ZNF385D: variants seen among roughly 807,000 people sequenced by gnomAD.
ZNF385D encodes the protein zinc finger protein 385D, also known as zinc finger protein 659.
ZNF385D carries 15 observed loss-of-function variants against 35.8 expected under a neutral mutation model. That is an observed-to-expected ratio of 0.42 (90% confidence interval 0.28 to 0.64). The LOEUF is 0.64. Among genes scored for constraint, ZNF385D ranks in the 30% least tolerant of loss-of-function variants. The pLI, the probability that ZNF385D is intolerant of heterozygous loss-of-function variation, is 0.23. For missense variants in ZNF385D, 474 were observed against 494.6 expected, an observed-to-expected ratio of 0.96 and a Z score of 0.39; for synonymous variants, 212 against 186.8, an observed-to-expected ratio of 1.13 and a Z score of -1.10.
At position 22,061,562 on chromosome 3, in the gene ZNF385D, C is replaced by G. The variant is rs1699687710; in HGVS notation, c.325+107255G>C. Among the ~76,000 whole-genome samples the G allele has an allele frequency of 1.3e-5, 2 of 152,152 alleles. 1 individual carries two copies. Among genetic ancestry groups the G allele is most frequent in the Non-Finnish European group, 2.9e-5 (2 of 68,032 alleles). On this transcript the variant is annotated intron_variant, in intron 3 of 5. Transcript: ENST00000494108. ...ACAATAACTCCAAAGTCTTCAATTC[C>G]TATGGTCTCCAAGACTCAGGATCTG...
chr3:22,273,152 G>T (rs1206407619), intron 2 of ZNF385D, among the ~76,000 whole-genome samples: 2 of 151,876 alleles, frequency 1.3e-5, no homozygotes, highest in African/African-American at 4.8e-5. Flanking sequence ...TGGACTAAAG[G>T]TAAACAAGAA....
chr3:22,328,757 T>A (rs370944043), intron 2 of ZNF385D, among the ~76,000 whole-genome samples: 1 of 148,034 alleles, frequency 6.8e-6, no homozygotes. Flanking sequence ...CAAGACTCCA[T>A]CGCCAAAAAA....
chr3:22,213,075 G>C (rs62246465), intron 2 of ZNF385D, among the ~76,000 whole-genome samples: 9,283 of 152,032 alleles, frequency 0.061, 364 homozygotes, highest in East Asian at 0.12. Context: ...GTCACATTCA[G>C]TTTATAAATT....
At chr3:21,709,501 A>AAAACT in intron 1 of ZNF385D, among the ~76,000 whole-genome samples, 1 of 151,924 alleles carries the variant, frequency 6.6e-6, no homozygotes, top group East Asian at 1.9e-4. Flanking sequence ...AAAACAAAAC[A>AAAACT]AAACAAAACA....
intron 3 of ZNF385D, among the ~76,000 whole-genome samples, chr3:21,757,209 A>C (rs2070384384): frequency 7.1e-6 from 1 of 141,272 alleles, no homozygotes; most frequent in African/African-American, 2.6e-5. Flanking sequence ...TCAGCTCACC[A>C]CAACCTCTGC....
At chr3:22,081,971 T>C (rs537487176) in intron 3 of ZNF385D, among the ~76,000 whole-genome samples, 5 of 149,298 alleles carry the variant, frequency 3.3e-5, no homozygotes, top group South Asian at 2.1e-4. Context: ...CAGTTACTTA[T>C]TTTGTGGTTG....
chr3:21,430,101 T>C (rs1701225238), intron 5 of ZNF385D, among the ~76,000 whole-genome samples: 1 of 152,066 alleles, frequency 6.6e-6, no homozygotes, highest in Admixed American at 6.6e-5. Flanking sequence ...TTTTATTATG[T>C]TGACCTCCTA....
At chr3:21,960,722 T>A (rs954195017) in intron 3 of ZNF385D, among the ~76,000 whole-genome samples, 1 of 152,042 alleles carries the variant, frequency 6.6e-6, no homozygotes, top group Non-Finnish European at 1.5e-5. Flanking sequence ...AAAGAAAATA[T>A]GATATATATA....
At chr3:21,867,999 A>C (rs987765164) in intron 3 of ZNF385D, among the ~76,000 whole-genome samples, 1 of 152,188 alleles carries the variant, frequency 6.6e-6, no homozygotes, top group Non-Finnish European at 1.5e-5. Context: ...AACTGAACCT[A>C]GCACAAAACT....
intron 2 of ZNF385D, among the ~76,000 whole-genome samples, chr3:22,367,882 A>G (rs560016227): frequency 6.6e-6 from 1 of 152,302 alleles, no homozygotes; most frequent in Non-Finnish European, 1.5e-5. Context: ...AAAATCCTCA[A>G]ATGTAACTTC....
intron 3 of ZNF385D, among the ~76,000 whole-genome samples, chr3:21,527,231 A>AATC (rs762593326): frequency 1.6e-4 from 25 of 152,306 alleles, no homozygotes; most frequent in Non-Finnish European, 2.5e-4. Context: ...AAAAAAAATG[A>AATC]ATCACACTGT....
At chr3:21,565,447 T>G (rs1214860585) in intron 2 of ZNF385D, among the ~76,000 whole-genome samples, 1 of 152,160 alleles carries the variant, frequency 6.6e-6, no homozygotes, top group Non-Finnish European at 1.5e-5. Context: ...GGTGAGATCA[T>G]AGCTCACTGT....
intron 3 of ZNF385D, among the ~76,000 whole-genome samples, chr3:21,946,084 C>A (rs963179064): frequency 7.2e-5 from 11 of 152,098 alleles, no homozygotes; most frequent in Non-Finnish European, 1.5e-5. Flanking sequence ...GATCAATTCA[C>A]CAAATGTATT....
chr3:21,953,165 G>A (rs542817624), intron 3 of ZNF385D, among the ~76,000 whole-genome samples: 76 of 151,580 alleles, frequency 5.0e-4, no homozygotes, highest in Non-Finnish European at 1.1e-3. Context: ...TCCTGTCTCT[G>A]TTTAATTAAA....
chr3:22,280,785 T>G (rs533293165), intron 2 of ZNF385D, among the ~76,000 whole-genome samples: 1 of 152,278 alleles, frequency 6.6e-6, no homozygotes, highest in South Asian at 2.1e-4. Flanking sequence ...ATGATTATTT[T>G]TTCTAGTTCT....
At chr3:22,263,981 CTT>C (rs1700764221) in intron 2 of ZNF385D, among the ~76,000 whole-genome samples, 1 of 151,968 alleles carries the variant, frequency 6.6e-6, no homozygotes, top group Admixed American at 6.6e-5. Context: ...ACAGAAATCA[CTT>C]TCTTTCCCTG....
intron 3 of ZNF385D, among the ~76,000 whole-genome samples, chr3:21,785,217 C>G (rs1184079243): frequency 2.6e-5 from 4 of 152,032 alleles, no homozygotes; most frequent in African/African-American, 9.7e-5. Flanking sequence ...TATATCTGAG[C>G]CCCATATATT....
At chr3:21,546,227 A>C (rs1316343201) in intron 3 of ZNF385D, among the ~76,000 whole-genome samples, 8 of 152,164 alleles carry the variant, frequency 5.3e-5, no homozygotes, top group Admixed American at 5.2e-4. Flanking sequence ...CCCTACCAGC[A>C]ATCTCTGGCT....
At chr3:22,316,680 G>A (rs1703905779) in intron 2 of ZNF385D, among the ~76,000 whole-genome samples, 1 of 151,974 alleles carries the variant, frequency 6.6e-6, no homozygotes, top group South Asian at 2.1e-4. Flanking sequence ...TCTATTAATG[G>A]GATTAATAAT....
Sources: gnomAD v4.1 joint callset for allele counts (sites outside exome capture counted in the v4.1 genomes callset) on GRCh38, gnomAD v4.1.1 for gene constraint, MANE v1.5 for transcripts, NCBI Gene and HGNC (gene_info 2026-07-23, HGNC 2026-07-21) for gene names.